The following FGF18 variants were observed in gnomAD, a reference collection of about 807,000 sequenced individuals.
The protein encoded by FGF18 is fibroblast growth factor 18.
In FGF18, 5 loss-of-function variants were observed where a neutral mutation model predicts 23.0. The observed-to-expected ratio is 0.22, with a 90% CI of 0.11 to 0.46. FGF18 has a LOEUF of 0.46. Among genes scored for constraint, FGF18 ranks in the 20% least tolerant of loss-of-function variants. The probability of loss-of-function intolerance (pLI) is 0.99; values close to 1 mark genes in which losing one functional copy is unlikely to be tolerated. For synonymous variants in FGF18, 117 were observed against 118.9 expected (o/e 0.98, Z 0.10); for missense variants, 180 against 291.6 (o/e 0.62, Z 2.79).
intron 3 of FGF18, among the ~76,000 whole-genome samples, chr5:171,438,644 C>T (rs1017608233): frequency 1.3e-5 from 2 of 152,104 alleles, no homozygotes; most frequent in Non-Finnish European, 2.9e-5. Flanking sequence ...TCCTCCGACC[C>T]CCCGACACCC....
rs1772215936 is a variant in FGF18 at position 171,434,164 on chromosome 5, G to A, written c.70-1929G>A. Among the ~76,000 whole-genome samples, 1 of 152,232 alleles carries A rather than the reference G, an allele frequency of 6.6e-6. No individual in the cohort carries two copies. Among genetic ancestry groups the A allele is most frequent in the South Asian group, 2.1e-4 (1 of 4,834 alleles). On this transcript the variant is annotated intron_variant, in intron 2 of 4. Transcript: ENST00000274625. This position sits in a 1 kb window ranked among gnomAD's most constrained non-coding sequence, Gnocchi z 4.6. ...GCCTGGGGCTGCCCGCAGGGGTGGG[G>A]CACAGGAAACACAGTCTTTAGGGTC...
At chr5:171,452,876 C>T (rs1772536472) in intron 4 of FGF18, among the ~76,000 whole-genome samples, 1 of 152,004 alleles carries the variant, frequency 6.6e-6, no homozygotes, top group South Asian at 2.1e-4. Flanking sequence ...CAAACAACAA[C>T]AACAAAAACC....
At chr5:171,450,672 T>C (rs1183424251) in intron 4 of FGF18, among the ~76,000 whole-genome samples, 1 of 152,096 alleles carries the variant, frequency 6.6e-6, no homozygotes, top group Non-Finnish European at 1.5e-5. Flanking sequence ...TTTTAATTAG[T>C]GATTCACTTT....
Position 171,424,196 on chromosome 5 carries a change from G to T in FGF18, c.69+3753G>T, listed in dbSNP as rs371605630. 5.9e-5 allele frequency among the ~76,000 whole-genome samples: 9 copies of T among 152,362 alleles called. No individual in the cohort carries two copies. In the East Asian group the frequency reaches 1.3e-3, roughly 23 times the overall value. Reference sequence around the variant, plus strand: ...AGTCCCTGGCCTCCAAGAGCTCCCAGTTTAAAGGGAGAAAGTGCCAGATGA... The same window carrying T: ...AGTCCCTGGCCTCCAAGAGCTCCCATTTTAAAGGGAGAAAGTGCCAGATGA... On this transcript the variant is annotated intron_variant, in intron 2 of 4. Transcript: ENST00000274625.
At chr5:171,420,334 G>T in intron 1 of FGF18, 73 bp from the exon 2 acceptor site, 1 of 1,606,382 alleles carries the variant, frequency 6.2e-7, no homozygotes, top group Non-Finnish European at 8.5e-7. Flanking sequence ...CTGACTCTTC[G>T]ACTGCGTGTC....
chr5:171,437,086 C>T (rs1354426033), intron 3 of FGF18, among the ~76,000 whole-genome samples: 1 of 152,226 alleles, frequency 6.6e-6, no homozygotes, highest in Non-Finnish European at 1.5e-5. Flanking sequence ...AAGCACCTGC[C>T]CCCACCCATT....
intron 4 of FGF18, among the ~76,000 whole-genome samples, chr5:171,452,604 G>A (rs1772532971): frequency 6.6e-6 from 1 of 152,146 alleles, no homozygotes; most frequent in Non-Finnish European, 1.5e-5. Flanking sequence ...TTTGTAAACA[G>A]TTGTTGAGTG....
At chr5:171,447,536 T>A (rs1303824865) in intron 3 of FGF18, among the ~76,000 whole-genome samples, 16 of 152,246 alleles carry the variant, frequency 1.1e-4, no homozygotes, top group Admixed American at 1.0e-3. Context: ...CTAGAGTTAC[T>A]AAATTCTTGT....
chr5:171,454,859 C>T (rs1380003075), intron 4 of FGF18, among the ~76,000 whole-genome samples: 2 of 152,202 alleles, frequency 1.3e-5, no homozygotes, highest in Non-Finnish European at 2.9e-5. Flanking sequence ...TTTGTGTTTC[C>T]CACTCTTCCC....
At chr5:171,421,858 G>C (rs1772012979) in intron 2 of FGF18, among the ~76,000 whole-genome samples, 1 of 148,730 alleles carries the variant, frequency 6.7e-6, no homozygotes, top group Admixed American at 6.7e-5. Flanking sequence ...TGCCAAAGCA[G>C]ATGTGACCTG....
rs149573877 is a variant in FGF18, at chr5:171,435,472, G to T, written c.70-621G>T. ...TTTTGGTGGCAGATGCAAAACAAAG[G>T]CTTCTCCTAGAGGAGCTCAGGATGT... On this transcript the variant is annotated intron_variant, in intron 2 of 4. Coordinates refer to ENST00000274625, the MANE Select transcript of FGF18 (RefSeq NM_003862.3). Among the ~76,000 whole-genome samples, 4 of 152,296 alleles carry T rather than the reference G, an allele frequency of 2.6e-5. No individual in the cohort carries two copies. The East Asian group carries it at 7.7e-4, about 29-fold the overall frequency.
intron 4 of FGF18, 69 bp downstream of exon 4, chr5:171,449,322 GTGTCCAGGGCAC>G: frequency 9.7e-7 from 1 of 1,028,346 alleles, no homozygotes; most frequent in Admixed American, 1.7e-5. Flanking sequence ...CTGGAACAAT[GTGTCCAGGGCAC>G]TGTCAGTCCC....
chr5:171,446,353 G>T (rs1772419095), intron 3 of FGF18, among the ~76,000 whole-genome samples: 1 of 152,118 alleles, frequency 6.6e-6, no homozygotes, highest in East Asian at 1.9e-4. Context: ...TGGGAGGCCT[G>T]TCCCTCCAGA....
Position 171,457,453 on chromosome 5 carries a change from G to A in FGF18, c.*648G>A, listed in dbSNP as rs994080999. On this transcript the variant is annotated 3_prime_UTR_variant, in exon 5 of 5. Transcript: ENST00000274625. ...TGGAGGATGCTGCTATCGACCTTCC[G>A]TGACTCACGTGACCTAGTACACCAA... 2.0e-5 allele frequency: 3 copies of A among 151,966 alleles called. No individual in the cohort carries two copies. Among genetic ancestry groups the A allele is most frequent in the South Asian group, 2.1e-4 (1 of 4,814 alleles). 9.4% of individuals were successfully genotyped at this position (151,966 alleles called of 1,614,324 possible).
chr5:171,449,275 C>T (rs1038624204), intron 4 of FGF18, 22 bp downstream of exon 4: 31 of 1,586,700 alleles, frequency 2.0e-5, no homozygotes, highest in Non-Finnish European at 2.6e-5. Flanking sequence ...TTTGGGATTC[C>T]CGGGAACTTC....
intron 2 of FGF18, among the ~76,000 whole-genome samples, chr5:171,430,917 C>T (rs967556838): frequency 6.6e-6 from 1 of 151,678 alleles, no homozygotes; most frequent in South Asian, 2.1e-4. Context: ...CTAAAGAAGT[C>T]GAATAAGTGG....
rs762811571 is a variant in FGF18, at chr5:171,420,458, G to A, written c.69+15G>A. ...TCCAGGTACAGGTACGTGGGCTCCTGACTTTGACCTCCTCCCGCCCCTGCC... is the reference window on the plus strand; with the variant it reads ...TCCAGGTACAGGTACGTGGGCTCCTAACTTTGACCTCCTCCCGCCCCTGCC... On this transcript the variant is annotated intron_variant, in intron 2 of 4. Transcript: ENST00000274625. The A allele has an allele frequency of 2.5e-6, 4 of 1,612,370 alleles. No homozygotes were observed. The South Asian group carries it at 3.3e-5, about 13-fold the overall frequency.
At chr5:171,450,661 G>C (rs1157530792) in intron 4 of FGF18, among the ~76,000 whole-genome samples, 1 of 152,182 alleles carries the variant, frequency 6.6e-6, no homozygotes, top group African/African-American at 2.4e-5. Context: ...CCGAGGAGTG[G>C]TTTTAATTAG....
intron 2 of FGF18, among the ~76,000 whole-genome samples, chr5:171,422,483 G>T (rs930548587): frequency 9.2e-5 from 14 of 152,144 alleles, no homozygotes; most frequent in Non-Finnish European, 1.5e-5. Flanking sequence ...CACAAAAATG[G>T]TGCTCAAATG....
Sources: allele counts gnomAD v4.1 joint callset (sites outside exome capture counted in the v4.1 genomes callset), GRCh38; gene constraint gnomAD v4.1.1; non-coding constraint Gnocchi (gnomAD v3.1); transcripts MANE v1.5; gene names NCBI Gene and HGNC (gene_info 2026-07-23, HGNC 2026-07-21).